Variants in KLF12 observed in about 807,000 individuals in gnomAD.
KLF12 encodes the protein Krueppel-like factor 12.
KLF12 carries 9 observed loss-of-function variants against 37.8 expected under a neutral mutation model. That is an observed-to-expected ratio of 0.24 (90% CI 0.14 to 0.42). KLF12 has a LOEUF of 0.42. KLF12 is among the 10% of genes least tolerant of loss of function. The pLI, the probability that KLF12 is intolerant of heterozygous loss-of-function variation, is 1.00. For synonymous variants in KLF12, 208 were observed against 202.1 expected (o/e 1.03, Z -0.25); for missense variants, 411 against 516.0 (o/e 0.80, Z 1.97).
chr13:73,776,178 CT>C (rs1233469798), intron 5 of KLF12, among the ~76,000 whole-genome samples: 1 of 152,066 alleles, frequency 6.6e-6, no homozygotes, highest in African/African-American at 2.4e-5. Context: ...GTATTTAAGT[CT>C]CAGTTTGTTT....
rs747639320 is a variant in KLF12 at position 73,813,211 on chromosome 13, G to A, written c.747C>T (p.Thr249=). ...ATCCAGTTTCATTAACGCTATCTAAGGTCACATTTGGCAGGTCATCATCAT... is the reference window on the plus strand; with the variant it reads ...ATCCAGTTTCATTAACGCTATCTAAAGTCACATTTGGCAGGTCATCATCAT... The change falls in exon 5 of 8, where the codon ACC becomes ACT. Residue 249 remains threonine (T), a synonymous_variant. Coordinates refer to ENST00000377669, the MANE Select transcript of KLF12 (RefSeq NM_007249.5). The A allele has an allele frequency of 6.8e-6, 11 of 1,613,966 alleles. No homozygotes were observed. In the South Asian group the frequency reaches 1.2e-4, roughly 18 times the overall value.
At position 73,917,315 on chromosome 13, in the gene KLF12, C is replaced by G. The variant is rs1046350703; in HGVS notation, c.123+26666G>C. ...CCTTTCCTGGTACTACCCCCTCTGCCTAGAGTGATTCCTCTCATATTTACA... is the reference window on the plus strand; with the variant it reads ...CCTTTCCTGGTACTACCCCCTCTGCGTAGAGTGATTCCTCTCATATTTACA... On this transcript the variant is annotated intron_variant, in intron 3 of 7. Coordinates refer to ENST00000377669, the MANE Select transcript of KLF12 (RefSeq NM_007249.5). Among the ~76,000 whole-genome samples, 18 of 152,312 alleles carry G rather than the reference C, an allele frequency of 1.2e-4. 1 individual carries two copies. The highest frequency in any genetic ancestry group is 8.5e-4 in the Admixed American group (13 of 15,294).
chr13:74,147,920 CT>C, the KLF12 span, among the ~76,000 whole-genome samples: 1 of 150,124 alleles, frequency 6.7e-6, no homozygotes, highest in Admixed American at 6.7e-5. Context: ...TCTTTTTTTT[CT>C]TTTTTTTTGA....
chr13:74,017,209 T>C (rs1417943682), intron 1 of KLF12, among the ~76,000 whole-genome samples: 1 of 133,966 alleles, frequency 7.5e-6, no homozygotes, highest in Non-Finnish European at 1.5e-5. Flanking sequence ...AACTACACTT[T>C]AGTCAAAAAG....
chr13:74,216,991 T>TC, the KLF12 span, among the ~76,000 whole-genome samples: 1 of 152,166 alleles, frequency 6.6e-6, no homozygotes, highest in African/African-American at 2.4e-5. Flanking sequence ...TTCTTCCATA[T>TC]CCCCCAGGAG....
At chr13:73,928,669 C>A (rs1421554833) in intron 3 of KLF12, among the ~76,000 whole-genome samples, 1 of 152,110 alleles carries the variant, frequency 6.6e-6, no homozygotes. Context: ...TTCTTCAAGA[C>A]CTGCAAAAAT....
chr13:74,296,514 A>G, the KLF12 span, among the ~76,000 whole-genome samples: 93 of 152,350 alleles, frequency 6.1e-4, no homozygotes, highest in African/African-American at 2.2e-3. Flanking sequence ...GGAGATAGTT[A>G]TTAGGTAGAT....
intron 2 of KLF12, among the ~76,000 whole-genome samples, chr13:73,967,666 C>G (rs530983912): frequency 7.9e-5 from 12 of 152,292 alleles, no homozygotes; most frequent in African/African-American, 2.6e-4. Context: ...ATACAGCATT[C>G]TTAGGAATAT....
At chr13:73,944,968 C>T (rs1890353985) in intron 2 of KLF12, among the ~76,000 whole-genome samples, 1 of 151,948 alleles carries the variant, frequency 6.6e-6, no homozygotes, top group African/African-American at 2.4e-5. Context: ...ACAAATCTGA[C>T]AGAACTAAAT....
At chr13:74,281,273 C>T in the KLF12 span, among the ~76,000 whole-genome samples, 1 of 152,058 alleles carries the variant, frequency 6.6e-6, no homozygotes, top group African/African-American at 2.4e-5. Context: ...TATTGGCCTT[C>T]CCTGCTGGGA....
chr13:73,873,535 T>A (rs1886569725), intron 3 of KLF12, among the ~76,000 whole-genome samples: 1 of 152,188 alleles, frequency 6.6e-6, no homozygotes, highest in Non-Finnish European at 1.5e-5. Context: ...CTACATTTTA[T>A]AATCAAAGCA....
At chr13:74,304,350 C>T in the KLF12 span, among the ~76,000 whole-genome samples, 4 of 152,062 alleles carry the variant, frequency 2.6e-5, no homozygotes, top group Admixed American at 1.3e-4. Flanking sequence ...CAGTACTTTG[C>T]GGACCTTCTT....
At chr13:73,711,090 C>T (rs1021818518) in intron 7 of KLF12, among the ~76,000 whole-genome samples, 1 of 152,130 alleles carries the variant, frequency 6.6e-6, no homozygotes, top group South Asian at 2.1e-4. Flanking sequence ...AGAGCAAGGG[C>T]CACTCTTCAG....
intron 5 of KLF12, among the ~76,000 whole-genome samples, chr13:73,797,735 A>C (rs924591638): frequency 1.7e-4 from 24 of 140,892 alleles, no homozygotes; most frequent in Admixed American, 1.5e-3. Context: ...ATGCCACTGC[A>C]CTCCAGCCTG....
chr13:73,795,096 A>G (rs568243228), intron 5 of KLF12, among the ~76,000 whole-genome samples: 46 of 152,324 alleles, frequency 3.0e-4, no homozygotes, highest in African/African-American at 1.1e-3. Flanking sequence ...GAAAGTTTTC[A>G]TGATTTTTTC....
At chr13:74,167,985 C>A in the KLF12 span, among the ~76,000 whole-genome samples, 2 of 152,106 alleles carry the variant, frequency 1.3e-5, no homozygotes, top group Non-Finnish European at 2.9e-5. Flanking sequence ...ATATTGTTCC[C>A]AACTGGTACA....
At chr13:74,010,836 T>C (rs1892532911) in intron 1 of KLF12, among the ~76,000 whole-genome samples, 1 of 152,168 alleles carries the variant, frequency 6.6e-6, no homozygotes, top group Admixed American at 6.5e-5. Flanking sequence ...AATGTCACAG[T>C]CTCCTTTTAC....
chr13:73,861,219 A>C (rs1418909468), intron 3 of KLF12, among the ~76,000 whole-genome samples: 1 of 152,160 alleles, frequency 6.6e-6, no homozygotes, highest in Non-Finnish European at 1.5e-5. Flanking sequence ...CTGTAACTAG[A>C]TACAATGATA....
intron 1 of KLF12, among the ~76,000 whole-genome samples, chr13:74,100,776 A>G (rs1876294071): frequency 6.6e-6 from 1 of 152,200 alleles, no homozygotes. Context: ...ACTCCAAAGT[A>G]TAGCACTTGC....
Sources: allele counts gnomAD v4.1 joint callset (sites outside exome capture counted in the v4.1 genomes callset), GRCh38; gene constraint gnomAD v4.1.1; transcripts MANE v1.5; gene names NCBI Gene and HGNC (gene_info 2026-07-23, HGNC 2026-07-21).